Variants in SPATA6 observed in about 807,000 individuals in gnomAD.
SPATA6 encodes the protein spermatogenesis associated 6.
In SPATA6, 56 loss-of-function variants were observed where a neutral mutation model predicts 65.3. The observed-to-expected ratio is 0.86, with a 90% confidence interval of 0.69 to 1.07. The LOEUF is 1.07. Ranked by LOEUF, SPATA6 falls within the 50% of genes least tolerant of loss-of-function variation. The probability of loss-of-function intolerance (pLI) is 0.00; values close to 1 mark genes in which losing one functional copy is unlikely to be tolerated. For synonymous variants in SPATA6, 199 were observed against 213.2 expected (o/e 0.93, Z 0.58); for missense variants, 590 against 594.8 (o/e 0.99, Z 0.08).
At chr1:48,325,328 G>A (rs1438638252) in intron 11 of SPATA6, 2 of 1,272,930 alleles carry the variant, frequency 1.6e-6, no homozygotes, top group Non-Finnish European at 1.1e-6. Flanking sequence ...TAGGGCACAG[G>A]CCCCCGTAGA....
At chr1:48,311,716 T>C (rs1645214168) in intron 11 of SPATA6, among the ~76,000 whole-genome samples, 1 of 152,110 alleles carries the variant, frequency 6.6e-6, no homozygotes. Flanking sequence ...TGTCGGACAG[T>C]GGGTGCAGGA....
intron 9 of SPATA6, among the ~76,000 whole-genome samples, chr1:48,360,264 A>G (rs1445897922): frequency 6.6e-6 from 1 of 151,058 alleles, no homozygotes; most frequent in Non-Finnish European, 1.5e-5. Context: ...ATATATTCTA[A>G]TAAGAAGAGA....
the SPATA6 span, among the ~76,000 whole-genome samples, chr1:48,272,365 TG>T: frequency 6.6e-6 from 1 of 152,168 alleles, no homozygotes; most frequent in Non-Finnish European, 1.5e-5. Flanking sequence ...CCTCAATCCC[TG>T]GCAACCACCA....
intron 1 of SPATA6, among the ~76,000 whole-genome samples, chr1:48,456,363 A>C (rs1656998860): frequency 6.6e-6 from 1 of 152,244 alleles, no homozygotes; most frequent in Non-Finnish European, 1.5e-5. Flanking sequence ...AACAAAAAAC[A>C]ATAATACCAG....
intron 7 of SPATA6, among the ~76,000 whole-genome samples, chr1:48,397,047 G>A (rs1318218810): frequency 6.6e-6 from 1 of 151,576 alleles, no homozygotes; most frequent in African/African-American, 2.4e-5. Flanking sequence ...ATCAAGTACT[G>A]ATATATGCAA....
chr1:48,265,395 GAAAA>G, the SPATA6 span, among the ~76,000 whole-genome samples: 1 of 142,710 alleles, frequency 7.0e-6, no homozygotes, highest in Non-Finnish European at 1.5e-5. Context: ...TATTAAAGGA[GAAAA>G]AAAAAACCCC....
rs563461700 is a variant in SPATA6, at chr1:48,411,585, C to T, written c.284G>A (p.Gly95Asp). 1.9e-6 allele frequency: 3 copies of T among 1,580,686 alleles called. No individual in the cohort carries two copies. The highest frequency in any genetic ancestry group is 2.4e-5 in the South Asian group (2 of 82,236). ...TTCGTCATACGTAGACAGTGTTTCA[C>T]CCACTACAAGAAAGATACCCTATGA... ...FELIQLVPPV[G>D]ETLSTYDENT... The change falls in exon 5 of 13, where the codon GGT becomes GAT. Residue 95 changes from glycine (G) to aspartate (D), a missense_variant. Transcript: ENST00000371847.
Position 48,456,773 on chromosome 1 carries a change from G to A in SPATA6, c.52-3642C>T, listed in dbSNP as rs893644892. On this transcript the variant is annotated intron_variant, in intron 1 of 12. Transcript: ENST00000371847. ...ACTAGAGAAGTTCAAGAGGAGATAT[G>A]AGCTGTCGGAAAAAGAATAAGGGAA... Among the ~76,000 whole-genome samples, 10 of 152,220 alleles carry A rather than the reference G, an allele frequency of 6.6e-5. No homozygotes were observed. In the East Asian group the frequency reaches 1.9e-3, roughly 29 times the overall value.
intron 5 of SPATA6, among the ~76,000 whole-genome samples, chr1:48,408,858 A>G (rs1303987186): frequency 2.6e-5 from 4 of 152,156 alleles, no homozygotes; most frequent in Non-Finnish European, 5.9e-5. Context: ...ACCCATCCCC[A>G]TGATTCAATC....
chr1:48,401,097 T>A (rs184652266), intron 6 of SPATA6, among the ~76,000 whole-genome samples: 7 of 152,182 alleles, frequency 4.6e-5, no homozygotes, highest in Admixed American at 2.0e-4. Flanking sequence ...ATTCTGAAAA[T>A]CCCTTGCTGA....
intron 4 of SPATA6, among the ~76,000 whole-genome samples, chr1:48,411,815 T>C (rs2147982850): frequency 6.6e-6 from 1 of 152,296 alleles, no homozygotes; most frequent in Non-Finnish European, 1.5e-5. Flanking sequence ...CCAACATTTA[T>C]ATGTCAGTTA....
intron 3 of SPATA6, among the ~76,000 whole-genome samples, chr1:48,417,743 G>C (rs1652905217): frequency 6.6e-6 from 1 of 152,082 alleles, no homozygotes; most frequent in African/African-American, 2.4e-5. Flanking sequence ...AGAATCGCTT[G>C]AACCTGGGAG....
chr1:48,445,615 A>G (rs1224536495), intron 3 of SPATA6, among the ~76,000 whole-genome samples: 1 of 134,616 alleles, frequency 7.4e-6, no homozygotes, highest in Non-Finnish European at 1.5e-5. Context: ...AGCCGAGATC[A>G]CGCCGCTGCA....
intron 8 of SPATA6, among the ~76,000 whole-genome samples, chr1:48,392,705 T>G (rs1306989697): frequency 1.3e-5 from 2 of 152,190 alleles, no homozygotes; most frequent in African/African-American, 4.8e-5. Context: ...TAAATGTTGG[T>G]GAAAATGGCA....
chr1:48,437,327 G>C, intron 3 of SPATA6: 4 of 1,504,692 alleles, frequency 2.7e-6, no homozygotes, highest in Non-Finnish European at 3.6e-6. Context: ...TGAAAATACA[G>C]TTGGTGCACT....
At chr1:48,299,188 C>T (rs889115757) in intron 12 of SPATA6, among the ~76,000 whole-genome samples, 17 of 151,972 alleles carry the variant, frequency 1.1e-4, no homozygotes, top group Middle Eastern at 3.2e-3. Context: ...ATAATAAAAG[C>T]AGTTCTTATA....
At chr1:48,424,161 C>T (rs1405556006) in intron 3 of SPATA6, among the ~76,000 whole-genome samples, 1 of 152,108 alleles carries the variant, frequency 6.6e-6, no homozygotes, top group African/African-American at 2.4e-5. Flanking sequence ...CTATCCTTCC[C>T]AGCCTCTGGG....
At chr1:48,353,041 A>G (rs1646556007) in intron 11 of SPATA6, among the ~76,000 whole-genome samples, 1 of 151,982 alleles carries the variant, frequency 6.6e-6, no homozygotes, top group South Asian at 2.1e-4. Flanking sequence ...AGCATTAAAG[A>G]GAGTTCTTCA....
chr1:48,276,569 T>A, the SPATA6 span, among the ~76,000 whole-genome samples: 1 of 152,210 alleles, frequency 6.6e-6, no homozygotes, highest in Non-Finnish European at 1.5e-5. Context: ...ACTTATTATT[T>A]CTGCCGTTAC....
Sources: allele counts gnomAD v4.1 joint callset (sites outside exome capture counted in the v4.1 genomes callset), GRCh38; gene constraint gnomAD v4.1.1; transcripts MANE v1.5; gene names NCBI Gene and HGNC (gene_info 2026-07-23, HGNC 2026-07-21).